The following BTBD8 variants were observed in gnomAD, a reference collection of about 807,000 sequenced individuals.
BTBD8 encodes the protein BTB/POZ domain-containing protein 8.
A neutral mutation model predicts 162.9 loss-of-function variants in BTBD8; 110 were observed. The observed-to-expected ratio is 0.68, with a 90% confidence interval of 0.58 to 0.79. The LOEUF is 0.79. Ranked by LOEUF, BTBD8 falls within the 30% of genes least tolerant of loss-of-function variation. BTBD8 has a pLI of 0.00. For synonymous variants in BTBD8, 667 were observed against 716.1 expected, an observed-to-expected ratio of 0.93 and a Z score of 1.10; for missense variants, 1,905 against 2,085.4, an observed-to-expected ratio of 0.91 and a Z score of 1.68.
At chr1:92,127,310 A>G (rs1185921582) in intron 4 of BTBD8, among the ~76,000 whole-genome samples, 1 of 151,918 alleles carries the variant, frequency 6.6e-6, no homozygotes, top group Non-Finnish European at 1.5e-5. Context: ...CGAGGTCTAC[A>G]CTCCTGGTTG....
At chr1:92,100,302 T>A (rs1351470348) in intron 2 of BTBD8, among the ~76,000 whole-genome samples, 1 of 152,228 alleles carries the variant, frequency 6.6e-6, no homozygotes, top group Non-Finnish European at 1.5e-5. Flanking sequence ...TTCTTTCCTT[T>A]GTCTGCTTTT....
At position 92,184,121 on chromosome 1, in the gene BTBD8, T is replaced by C; in HGVS notation, c.5170T>C (p.Leu1724=). The change falls in exon 18 of 18, where the codon TTA becomes CTA. Residue 1724 remains leucine (L), a synonymous_variant. Transcript: ENST00000636805. ...AAATTCCGTTCCTGAAGACTTAAGT[T>C]TAGCACAGTATCTAATCAATCAGAC... ...VTNSVPEDLS[L]AQYLINQTLL... is the part of the protein sequence containing the mutation. 6.4e-7 allele frequency: 1 copy of C among 1,551,642 alleles called. No homozygotes were observed. Among genetic ancestry groups the C allele is most frequent in the Non-Finnish European group, 8.7e-7 (1 of 1,146,884 alleles).
At chr1:92,099,530 C>T (rs951476382) in intron 2 of BTBD8, among the ~76,000 whole-genome samples, 1 of 151,842 alleles carries the variant, frequency 6.6e-6, no homozygotes, top group East Asian at 1.9e-4. Context: ...AATCCGTGAA[C>T]ACGAGATGTG....
At chr1:92,125,631 C>T (rs1649334839) in intron 4 of BTBD8, 1 of 285,190 alleles carries the variant, frequency 3.5e-6, no homozygotes, top group Non-Finnish European at 6.9e-6. Context: ...AGGAAGATGC[C>T]ACATCATATG....
At chr1:92,144,520 A>G (rs1649862514) in intron 7 of BTBD8, among the ~76,000 whole-genome samples, 1 of 150,956 alleles carries the variant, frequency 6.6e-6, no homozygotes, top group South Asian at 2.1e-4. Context: ...TTAAAAGTAT[A>G]CTTTAGGCCT....
chr1:92,134,492 T>C (rs1427242397), intron 5 of BTBD8, among the ~76,000 whole-genome samples: 2 of 151,930 alleles, frequency 1.3e-5, no homozygotes, highest in African/African-American at 4.8e-5. Flanking sequence ...TGCCTAAGAG[T>C]TTTTCACCTA....
chr1:92,166,962 A>T lies in BTBD8; in HGVS notation c.1127A>T (p.Asp376Val), dbSNP rs1271556938. 2 of 1,541,434 alleles carry T rather than the reference A, an allele frequency of 1.3e-6. No homozygotes were observed. The highest frequency in any genetic ancestry group is 2.0e-5 in the Admixed American group (1 of 49,212). The change falls in exon 10 of 18, where the codon GAT becomes GTT. Residue 376 changes from aspartate (D) to valine (V), a missense_variant. Physicochemically the swap from Asp to Val is radical, Grantham distance 152. Coordinates refer to ENST00000636805, the MANE Select transcript of BTBD8 (RefSeq NM_001376131.1). ...CAATTTTTTTTTAAATCTAAGAATG[A>T]TAAGAATGCTGCTTTTCTTCTGATG... ...CLNMLIQSLN[D>V]KNAAFLLMES...
At chr1:92,108,722 A>G (rs377410168) in intron 4 of BTBD8, among the ~76,000 whole-genome samples, 122 of 152,362 alleles carry the variant, frequency 8.0e-4, no homozygotes, top group Admixed American at 6.3e-3. Context: ...AAGGGAAAGA[A>G]GTGCAGCTGG....
At position 92,177,335 on chromosome 1, in the gene BTBD8, G is replaced by A; in HGVS notation, c.2142G>A (p.Gly714=). 2.6e-6 allele frequency: 4 copies of A among 1,551,872 alleles called. No individual in the cohort carries two copies. Among genetic ancestry groups the A allele is most frequent in the Non-Finnish European group, 3.5e-6 (4 of 1,147,044 alleles). The part of the protein sequence containing the change: ...AKAKPLKKAT[G]KDSPCLSIAG... The stretch of plus-strand genomic sequence containing the variant: ...CAAAGCCTTTGAAGAAAGCTACAGG[G>A]AAGGATTCACCATGCCTCAGCATCG... The change falls in exon 14 of 18, where the codon GGG becomes GGA. Residue 714 remains glycine, a synonymous_variant. Coordinates refer to ENST00000636805, the MANE Select transcript of BTBD8 (RefSeq NM_001376131.1).
chr1:92,181,841 A>G lies in BTBD8; in HGVS notation c.4158A>G (p.Glu1386=), dbSNP rs1423105143. 11 of 1,551,112 alleles carry G rather than the reference A, an allele frequency of 7.1e-6. No individual in the cohort carries two copies. Among genetic ancestry groups the G allele is most frequent in the Non-Finnish European group, 9.6e-6 (11 of 1,146,922 alleles). The change falls in exon 17 of 18, where the codon GAA becomes GAG. Residue 1386 remains glutamate (E), a synonymous_variant. Transcript: ENST00000636805. ...TATCTTCTTCAGCAGATGAAACAGA[A>G]GATGAAAGATCTGAAGCTGAAAACG... ...DQVSSSADET[E]DERSEAENVA... is the part of the protein sequence containing the mutation.
intron 2 of BTBD8, among the ~76,000 whole-genome samples, chr1:92,095,730 A>G (rs987730147): frequency 5.3e-5 from 8 of 152,194 alleles, no homozygotes; most frequent in Admixed American, 2.0e-4. Context: ...TGTTTCCAGT[A>G]ACTTGGCCTC....
chr1:92,126,813 T>TA (rs1371365059), intron 4 of BTBD8, among the ~76,000 whole-genome samples: 4 of 152,190 alleles, frequency 2.6e-5, no homozygotes, highest in African/African-American at 9.7e-5. Context: ...GATTTTTTTT[T>TA]AACTGACATA....
intron 5 of BTBD8, among the ~76,000 whole-genome samples, chr1:92,132,852 C>T (rs971604399): frequency 3.3e-5 from 5 of 152,106 alleles, no homozygotes; most frequent in African/African-American, 7.2e-5. Context: ...TGTTCAAATG[C>T]TTTATCTTGC....
At chr1:92,097,056 C>T (rs924236995) in intron 2 of BTBD8, among the ~76,000 whole-genome samples, 1 of 152,132 alleles carries the variant, frequency 6.6e-6, no homozygotes, top group African/African-American at 2.4e-5. Flanking sequence ...TATTTTCCTC[C>T]CTGTTATTAC....
intron 2 of BTBD8, among the ~76,000 whole-genome samples, chr1:92,090,695 C>T (rs757008451): frequency 4.6e-5 from 7 of 152,100 alleles, no homozygotes; most frequent in Non-Finnish European, 1.0e-4. Context: ...TTTAGGAGGC[C>T]GAGGTGGGCA....
At chr1:92,131,415 A>G (rs867512073) in intron 5 of BTBD8, among the ~76,000 whole-genome samples, 2 of 152,152 alleles carry the variant, frequency 1.3e-5, no homozygotes, top group African/African-American at 2.4e-5. Context: ...TATTCTATAT[A>G]TGTGCTTTTA....
chr1:92,126,203 T>A (rs1231934652), intron 4 of BTBD8: 2 of 525,394 alleles, frequency 3.8e-6, no homozygotes, highest in Non-Finnish European at 7.5e-6. Context: ...ATGAGTTCCT[T>A]ATTATTCTAG....
intron 4 of BTBD8, chr1:92,125,921 C>A: frequency 2.3e-6 from 1 of 437,038 alleles, no homozygotes; most frequent in Non-Finnish European, 4.6e-6. Flanking sequence ...AAGGAGGGAG[C>A]TTTGGAGAAT....
chr1:92,128,276 C>G (rs1466598516), intron 4 of BTBD8, among the ~76,000 whole-genome samples: 1 of 148,816 alleles, frequency 6.7e-6, no homozygotes, highest in Non-Finnish European at 1.5e-5. Flanking sequence ...GCCACCACAC[C>G]TGAATAATTT....
Sources: gnomAD v4.1 joint callset for allele counts (sites outside exome capture counted in the v4.1 genomes callset) on GRCh38, gnomAD v4.1.1 for gene constraint, MANE v1.5 for transcripts, NCBI Gene and HGNC (gene_info 2026-07-23, HGNC 2026-07-21) for gene names.